Variants in WIPF2 observed in about 807,000 individuals in gnomAD.
WIPF2 encodes the protein WAS/WASL interacting protein family member 2, also known as WAS/WASL-interacting protein family member 2.
WIPF2 carries 23 observed loss-of-function variants against 38.8 expected under a neutral mutation model. The ratio of observed to expected loss-of-function variants is 0.59; its 90% confidence interval spans 0.43 to 0.84. WIPF2 has a LOEUF of 0.84. Among genes scored for constraint, WIPF2 ranks in the 40% least tolerant of loss-of-function variants. WIPF2 has a pLI of 0.00. For synonymous variants in WIPF2, 210 were observed against 223.2 expected (o/e 0.94, Z 0.53); for missense variants, 574 against 580.5 (o/e 0.99, Z 0.11).
chr17:40,260,425 G>A, intron 2 of WIPF2, 110 bp from the exon 3 acceptor site: 1 of 1,323,956 alleles, frequency 7.6e-7, no homozygotes, highest in South Asian at 1.4e-5. Flanking sequence ...GACTTCAAGT[G>A]ATCCACCTGC....
chr17:40,278,399 G>T lies in WIPF2; in HGVS notation c.*174G>T. On this transcript the variant is annotated 3_prime_UTR_variant, in exon 8 of 8. Coordinates refer to ENST00000323571, the MANE Select transcript of WIPF2 (RefSeq NM_133264.5). The stretch of plus-strand genomic sequence containing the variant: ...ACCTCCATCTATGCATCTCATCTCT[G>T]GATTTGGTGATCAGACTCTATATTG... 1.4e-6 allele frequency: 1 copy of T among 701,498 alleles called. No individual in the cohort carries two copies. The highest frequency in any genetic ancestry group is 2.4e-6 in the Non-Finnish European group (1 of 424,278). 43.5% of individuals were successfully genotyped at this position (701,498 alleles called of 1,614,324 possible).
chr17:40,229,200 C>T (rs1453990753), intron 1 of WIPF2, among the ~76,000 whole-genome samples: 1 of 151,730 alleles, frequency 6.6e-6, no homozygotes. Flanking sequence ...CAACCTCTGC[C>T]TCCCGGGTTC....
chr17:40,225,390 G>A (rs2030437606), intron 1 of WIPF2, among the ~76,000 whole-genome samples: 1 of 152,018 alleles, frequency 6.6e-6, no homozygotes, highest in Admixed American at 6.6e-5. Context: ...GGAAAAAAAG[G>A]TGATATGTTT....
At chr17:40,271,900 C>T (rs1327328518) in intron 5 of WIPF2, among the ~76,000 whole-genome samples, 1 of 152,038 alleles carries the variant, frequency 6.6e-6, no homozygotes, top group African/African-American at 2.4e-5. Context: ...AGTCATATTG[C>T]CATTTCTTGA....
chr17:40,273,914 G>T lies in WIPF2; in HGVS notation c.1095G>T (p.Arg365Ser), dbSNP rs761072666. Residue 365 changes from arginine (R) to serine (S), a missense_variant, in exon 6 of 8, where the codon AGG becomes AGT. Physicochemically the swap from Arg to Ser is moderately radical, Grantham distance 110 (BLOSUM62 -1). Coordinates refer to ENST00000323571, the MANE Select transcript of WIPF2 (RefSeq NM_133264.5). ...SRGKPPPPPSRTPAGPPPPPP... is the reference protein window; with the variant it reads ...SRGKPPPPPSSTPAGPPPPPP... ...GAAAGCCCCCACCTCCACCCTCAAG[G>T]ACGCCAGCTGGGCCACCCCCTCCTC... The T allele has an allele frequency of 1.3e-6, 2 of 1,591,132 alleles. No individual in the cohort carries two copies. The highest frequency in any genetic ancestry group is 1.7e-6 in the Non-Finnish European group (2 of 1,168,750).
intron 6 of WIPF2, among the ~76,000 whole-genome samples, chr17:40,276,690 A>G (rs1056091998): frequency 2.8e-4 from 43 of 151,692 alleles, no homozygotes; most frequent in African/African-American, 9.2e-4. Flanking sequence ...AGGTGGGGAG[A>G]TTGCCTGAGC....
At chr17:40,231,617 G>A (rs2030742366) in intron 1 of WIPF2, among the ~76,000 whole-genome samples, 2 of 151,938 alleles carry the variant, frequency 1.3e-5, no homozygotes, top group South Asian at 2.1e-4. Context: ...TAGAGACAGG[G>A]TTTCACCATC....
rs2031946801 is a variant in WIPF2, at chr17:40,262,553, C to T, written c.225C>T (p.Gly75=). ...CGAAAGGAAGCAGTGGTGGCTATGG[C>T]TCTGGAGGAGCTGCCCTGCAGCCCA... The part of the protein sequence containing the change: ...EKPKGSSGGY[G]SGGAALQPKG... Residue 75 remains glycine, a synonymous_variant, in exon 4 of 8, where the codon GGC becomes GGT. Transcript: ENST00000323571. 1 of 1,614,052 alleles carries T rather than the reference C, an allele frequency of 6.2e-7. No individual in the cohort carries two copies. Among genetic ancestry groups the T allele is most frequent in the Non-Finnish European group, 8.5e-7 (1 of 1,179,936 alleles).
At chr17:40,266,167 G>A (rs1370523118) in intron 5 of WIPF2, among the ~76,000 whole-genome samples, 1 of 151,154 alleles carries the variant, frequency 6.6e-6, no homozygotes, top group East Asian at 1.9e-4. Flanking sequence ...GAACTCAGGA[G>A]GCAGAGGTTG....
intron 4 of WIPF2, among the ~76,000 whole-genome samples, chr17:40,262,861 A>G (rs530125506): frequency 6.6e-6 from 1 of 152,360 alleles, no homozygotes; most frequent in Non-Finnish European, 1.5e-5. Context: ...CTAGAATACT[A>G]TTCAGCCTTA....
In WIPF2 at chr17:40,250,492, G is replaced by A. The variant is rs191650614; in HGVS notation, c.-69-5899G>A. On this transcript the variant is annotated intron_variant, in intron 1 of 7. Coordinates refer to ENST00000323571, the MANE Select transcript of WIPF2 (RefSeq NM_133264.5). ...TCTCTATCTCCTGACCTTGTGATCC[G>A]CCCACCTCGGCCTCCCAAAGTGCTG... Among the ~76,000 whole-genome samples the A allele has an allele frequency of 3.2e-3, 484 of 149,944 alleles. 5 individuals are homozygous for A. Among genetic ancestry groups the A allele is most frequent in the African/African-American group, 0.011 (452 of 40,722 alleles).
At chr17:40,227,642 C>A (rs961615115) in intron 1 of WIPF2, among the ~76,000 whole-genome samples, 31 of 151,798 alleles carry the variant, frequency 2.0e-4, no homozygotes, top group Non-Finnish European at 3.8e-4. Context: ...CACCTGAGGT[C>A]AGAAGTTGGA....
At chr17:40,256,931 A>G (rs930782743) in intron 2 of WIPF2, among the ~76,000 whole-genome samples, 1 of 152,130 alleles carries the variant, frequency 6.6e-6, no homozygotes, top group Non-Finnish European at 1.5e-5. Context: ...TATTTGCTGT[A>G]TAAAAGTTAG....
chr17:40,244,313 C>T (rs1397064186), intron 1 of WIPF2, among the ~76,000 whole-genome samples: 2 of 152,216 alleles, frequency 1.3e-5, no homozygotes, highest in Middle Eastern at 6.8e-3. Context: ...TGGCATGTGA[C>T]TACTCTTAGG....
intron 5 of WIPF2, among the ~76,000 whole-genome samples, chr17:40,269,172 T>C (rs1158658622): frequency 1.3e-5 from 2 of 151,866 alleles, no homozygotes; most frequent in African/African-American, 2.4e-5. Flanking sequence ...ATACAAAAAT[T>C]AGCCAGGCAT....
At chr17:40,272,564 C>T (rs2032280688) in intron 5 of WIPF2, among the ~76,000 whole-genome samples, 2 of 152,050 alleles carry the variant, frequency 1.3e-5, no homozygotes, top group Admixed American at 6.6e-5. Context: ...CCTGTATATG[C>T]TGTGGGAGAG....
chr17:40,250,219 GTTTTTTT>G (rs1170849046), intron 1 of WIPF2, among the ~76,000 whole-genome samples: 78 of 62,532 alleles, frequency 1.2e-3, no homozygotes, highest in Non-Finnish European at 2.0e-3. Context: ...ATTTTATCAT[GTTTTTTT>G]TTTTTTTTTT....
intron 4 of WIPF2, 119 bp from the exon 5 acceptor site, chr17:40,264,370 AG>A: frequency 1.4e-6 from 1 of 715,222 alleles, no homozygotes; most frequent in Non-Finnish European, 2.3e-6. Flanking sequence ...CAAAAAACCC[AG>A]AATTATTCAA....
chr17:40,265,181 C>T, intron 5 of WIPF2, 35 bp downstream of exon 5: 1 of 1,546,824 alleles, frequency 6.5e-7, no homozygotes, highest in South Asian at 1.2e-5. Flanking sequence ...CCCTATCATG[C>T]TGTGAGTTGA....
Sources: gnomAD v4.1 joint callset for allele counts (sites outside exome capture counted in the v4.1 genomes callset) on GRCh38, gnomAD v4.1.1 for gene constraint, MANE v1.5 for transcripts, NCBI Gene and HGNC (gene_info 2026-07-23, HGNC 2026-07-21) for gene names.